Variants in KIF16B observed in about 807,000 individuals in gnomAD.
The protein encoded by KIF16B is kinesin-like protein KIF16B.
A neutral mutation model predicts 156.3 loss-of-function variants in KIF16B; 98 were observed. The ratio of observed to expected loss-of-function variants is 0.63; its 90% CI spans 0.53 to 0.74. The LOEUF is 0.74. Among genes scored for constraint, KIF16B ranks in the 30% least tolerant of loss-of-function variants. The pLI is 0.00. For synonymous variants in KIF16B, 564 were observed against 583.7 expected (o/e 0.97, Z 0.49); for missense variants, 1,421 against 1,606.5 (o/e 0.88, Z 1.97).
chr20:16,492,712 C>A (rs958685091), intron 12 of KIF16B, among the ~76,000 whole-genome samples: 1 of 152,094 alleles, frequency 6.6e-6, no homozygotes, highest in Non-Finnish European at 1.5e-5. Flanking sequence ...GCTGCCGCAG[C>A]AGCAGAAGAG....
chr20:16,567,169 G>A (rs2071283973), intron 1 of KIF16B, among the ~76,000 whole-genome samples: 1 of 152,092 alleles, frequency 6.6e-6, no homozygotes, highest in Non-Finnish European at 1.5e-5. Flanking sequence ...GACCTTGGGC[G>A]GTCTTATTTC....
In KIF16B at chr20:16,438,293, T is replaced by C. The variant is rs111528719; in HGVS notation, c.1303-8311A>G. On this transcript the variant is annotated intron_variant, in intron 12 of 25. Coordinates refer to ENST00000354981, the MANE Select transcript of KIF16B (RefSeq NM_024704.5). ...GAAGTTTTGCTTTCCCCGGTTTCAGTTACCCAATGTCAACTGTGGTCCAAA... is the reference window on the plus strand; with the variant it reads ...GAAGTTTTGCTTTCCCCGGTTTCAGCTACCCAATGTCAACTGTGGTCCAAA... Among the ~76,000 whole-genome samples the C allele has an allele frequency of 9.1e-4, 138 of 152,314 alleles. 2 individuals carry two copies. Among genetic ancestry groups the C allele is most frequent in the African/African-American group, 2.4e-3 (100 of 41,582 alleles).
chr20:16,463,952 C>T (rs1027635101), intron 12 of KIF16B, among the ~76,000 whole-genome samples: 3 of 152,188 alleles, frequency 2.0e-5, no homozygotes, highest in Admixed American at 2.0e-4. Context: ...TCAATCTCCT[C>T]AACTCTTCTG....
At chr20:16,527,249 C>A (rs926995791) in intron 2 of KIF16B, among the ~76,000 whole-genome samples, 1 of 152,176 alleles carries the variant, frequency 6.6e-6, no homozygotes, top group Admixed American at 6.5e-5. Context: ...AGAAAGGCAT[C>A]CAGTGGAGAA....
intron 12 of KIF16B, among the ~76,000 whole-genome samples, chr20:16,430,447 A>G (rs1490667960): frequency 2.0e-5 from 3 of 152,054 alleles, no homozygotes; most frequent in Non-Finnish European, 4.4e-5. Context: ...TGTGCCATCA[A>G]CTTCTCCTAT....
intron 23 of KIF16B, among the ~76,000 whole-genome samples, chr20:16,349,628 C>G (rs1286988883): frequency 6.6e-6 from 1 of 152,196 alleles, no homozygotes; most frequent in Non-Finnish European, 1.5e-5. Flanking sequence ...TTCAGGCCAA[C>G]AAAACCCCAT....
intron 25 of KIF16B, among the ~76,000 whole-genome samples, chr20:16,275,115 G>A (rs8122720): frequency 2.0e-5 from 3 of 150,288 alleles, no homozygotes; most frequent in South Asian, 2.1e-4. Context: ...GTGCAGTGGC[G>A]CGATCTCAGC....
chr20:16,283,543 C>T (rs954406275), intron 25 of KIF16B, among the ~76,000 whole-genome samples: 11 of 152,138 alleles, frequency 7.2e-5, no homozygotes, highest in Non-Finnish European at 1.0e-4. Context: ...GCAGTGAGCC[C>T]GCCAGGTCTC....
At chr20:16,442,294 A>G (rs560310875) in intron 12 of KIF16B, among the ~76,000 whole-genome samples, 73 of 151,636 alleles carry the variant, frequency 4.8e-4, no homozygotes, top group African/African-American at 1.5e-3. Context: ...ACCATGTGAG[A>G]TAATGCATTT....
chr20:16,281,633 C>G (rs112601256), intron 25 of KIF16B, among the ~76,000 whole-genome samples: 5 of 152,208 alleles, frequency 3.3e-5, no homozygotes, highest in Non-Finnish European at 7.3e-5. Context: ...TTCCAACATG[C>G]TCCCAAATGT....
At chr20:16,478,165 G>C (rs2067871881) in intron 12 of KIF16B, among the ~76,000 whole-genome samples, 1 of 152,114 alleles carries the variant, frequency 6.6e-6, no homozygotes, top group Non-Finnish European at 1.5e-5. Flanking sequence ...TGATGACAAG[G>C]GTCAGAGGGC....
chr20:16,468,943 C>T (rs142419361), intron 12 of KIF16B, among the ~76,000 whole-genome samples: 1 of 152,186 alleles, frequency 6.6e-6, no homozygotes, highest in African/African-American at 2.4e-5. Flanking sequence ...TATTCTGGGC[C>T]ATAAAACATC....
At chr20:16,430,851 A>G (rs1381374139) in intron 12 of KIF16B, among the ~76,000 whole-genome samples, 1 of 142,800 alleles carries the variant, frequency 7.0e-6, no homozygotes, top group African/African-American at 2.9e-5. Flanking sequence ...GTGTGTATGT[A>G]TATATATATA....
chr20:16,482,487 A>C (rs574189654), intron 12 of KIF16B, among the ~76,000 whole-genome samples: 1 of 152,202 alleles, frequency 6.6e-6, no homozygotes, highest in East Asian at 1.9e-4. Flanking sequence ...CTACCTATGA[A>C]AGACTGAAGA....
At chr20:16,483,826 C>A (rs968434871) in intron 12 of KIF16B, among the ~76,000 whole-genome samples, 3 of 152,080 alleles carry the variant, frequency 2.0e-5, no homozygotes, top group Non-Finnish European at 4.4e-5. Context: ...CCAACCACCC[C>A]CTCCTCTCCA....
Position 16,379,905 on chromosome 20 carries a change from T to C in KIF16B, c.2097A>G (p.Glu699=), listed in dbSNP as rs1387249269. The change falls in exon 19 of 26, where the codon GAA becomes GAG. Residue 699 remains glutamate (E), a synonymous_variant. Coordinates refer to ENST00000354981, the MANE Select transcript of KIF16B (RefSeq NM_024704.5). ...EIELQKKRQE[E]ETFLRVQEEL... is the part of the protein sequence containing the mutation. ...CTTCTTGGACGCGGAGAAAGGTCTC[T>C]TCTTCTTGTCTCTTCTTCTGCAGCT... 1.2e-6 allele frequency: 2 copies of C among 1,614,190 alleles called. No homozygotes were observed. Among genetic ancestry groups the C allele is most frequent in the Admixed American group, 1.7e-5 (1 of 60,026 alleles).
At chr20:16,476,071 C>G (rs1170725859) in intron 12 of KIF16B, among the ~76,000 whole-genome samples, 1 of 152,210 alleles carries the variant, frequency 6.6e-6, no homozygotes, top group African/African-American at 2.4e-5. Flanking sequence ...ACAGTGGTAT[C>G]TGTCACGTCT....
intron 17 of KIF16B, among the ~76,000 whole-genome samples, chr20:16,401,076 G>C (rs1331436668): frequency 1.7e-5 from 2 of 119,210 alleles, no homozygotes; most frequent in African/African-American, 3.9e-5. Context: ...CAGGGGCCTG[G>C]GAACCAGAGA....
chr20:16,523,886 T>C (rs2069439974), intron 3 of KIF16B, among the ~76,000 whole-genome samples: 1 of 152,096 alleles, frequency 6.6e-6, no homozygotes, highest in Non-Finnish European at 1.5e-5. Flanking sequence ...ACATCACCCA[T>C]CTGATCTTTG....
Sources: allele counts gnomAD v4.1 joint callset (sites outside exome capture counted in the v4.1 genomes callset), GRCh38; gene constraint gnomAD v4.1.1; transcripts MANE v1.5; gene names NCBI Gene and HGNC (gene_info 2026-07-23, HGNC 2026-07-21).